Variants in NKAIN3 observed in about 807,000 individuals in gnomAD.
NKAIN3 encodes sodium/potassium-transporting ATPase subunit beta-1-interacting protein 3.
A neutral mutation model predicts 30.2 loss-of-function variants in NKAIN3; 25 were observed. The observed-to-expected ratio is 0.83, with a 90% CI of 0.60 to 1.16. The LOEUF is 1.16. NKAIN3 is among the 50% of genes most tolerant of loss of function. The pLI, the probability that NKAIN3 is intolerant of heterozygous loss-of-function variation, is 0.00. For missense variants in NKAIN3, 225 were observed against 254.1 expected, an observed-to-expected ratio of 0.89 and a Z score of 0.78; for synonymous variants, 91 against 89.6, an observed-to-expected ratio of 1.02 and a Z score of -0.09.
At chr8:62,461,680 A>G (rs1806005492) in intron 1 of NKAIN3, among the ~76,000 whole-genome samples, 1 of 152,238 alleles carries the variant, frequency 6.6e-6, no homozygotes, top group Non-Finnish European at 1.5e-5. Flanking sequence ...AATAACCTAA[A>G]AGAAAAATTC....
intron 4 of NKAIN3, among the ~76,000 whole-genome samples, chr8:62,796,855 A>G (rs922672682): frequency 2.7e-5 from 4 of 150,522 alleles, no homozygotes; most frequent in Admixed American, 6.7e-5. Context: ...CAAAAATTTC[A>G]AGGCACCATT....
chr8:62,421,175 C>A (rs749842467), intron 1 of NKAIN3, among the ~76,000 whole-genome samples: 11 of 152,142 alleles, frequency 7.2e-5, no homozygotes, highest in Non-Finnish European at 1.6e-4. Flanking sequence ...TTCCTCCCAG[C>A]TACTTGGCCC....
chr8:62,339,081 A>C (rs7823670), intron 1 of NKAIN3, among the ~76,000 whole-genome samples: 6,045 of 152,046 alleles, frequency 0.04, 435 homozygotes, highest in African/African-American at 0.14. Flanking sequence ...TAAGAAGGAG[A>C]TGCCTGTGAT....
intron 1 of NKAIN3, among the ~76,000 whole-genome samples, chr8:62,389,888 CTTTG>C (rs1563376753): frequency 6.6e-6 from 1 of 152,046 alleles, no homozygotes; most frequent in Non-Finnish European, 1.5e-5. Flanking sequence ...GTTCTTTGCT[CTTTG>C]TTTGTGTTTG....
chr8:62,716,995 T>C (rs1041606482), intron 3 of NKAIN3, among the ~76,000 whole-genome samples: 2 of 152,186 alleles, frequency 1.3e-5, no homozygotes, highest in African/African-American at 4.8e-5. Flanking sequence ...AAGATGTGCC[T>C]GATATCCTAA....
intron 4 of NKAIN3, among the ~76,000 whole-genome samples, chr8:62,887,127 T>C (rs759304374): frequency 4.1e-4 from 63 of 152,208 alleles, no homozygotes; most frequent in Non-Finnish European, 7.6e-4. Context: ...AATAAACATA[T>C]GTGTGTACTG....
chr8:62,714,650 G>A (rs965325237), intron 3 of NKAIN3, among the ~76,000 whole-genome samples: 1 of 152,098 alleles, frequency 6.6e-6, no homozygotes, highest in Non-Finnish European at 1.5e-5. Flanking sequence ...ATGAATACAA[G>A]CTATGTTTAG....
At chr8:62,903,712 G>C (rs1418853019) in intron 4 of NKAIN3, among the ~76,000 whole-genome samples, 7 of 152,128 alleles carry the variant, frequency 4.6e-5, no homozygotes, top group African/African-American at 1.7e-4. Flanking sequence ...CCCAAGACTG[G>C]GTAATTTATA....
intron 1 of NKAIN3, among the ~76,000 whole-genome samples, chr8:62,306,351 A>C (rs902972531): frequency 6.7e-6 from 1 of 150,342 alleles, no homozygotes; most frequent in African/African-American, 2.5e-5. Flanking sequence ...ATATCTCCCA[A>C]GAATTAAGAA....
chr8:62,946,439 T>C (rs1475242659), intron 5 of NKAIN3, among the ~76,000 whole-genome samples: 1 of 152,172 alleles, frequency 6.6e-6, no homozygotes, highest in Non-Finnish European at 1.5e-5. Flanking sequence ...TCAGTGACAC[T>C]GCAGAGTAGC....
At chr8:62,739,024 C>G (rs1242452711) in intron 3 of NKAIN3, among the ~76,000 whole-genome samples, 1 of 152,092 alleles carries the variant, frequency 6.6e-6, no homozygotes, top group Admixed American at 6.5e-5. Context: ...AACAGAAAAC[C>G]AAACACCACA....
intron 5 of NKAIN3, among the ~76,000 whole-genome samples, chr8:62,997,875 T>C (rs16930070): frequency 0.19 from 29,627 of 151,982 alleles, 3,000 homozygotes; most frequent in East Asian, 0.41. Context: ...AATAAAAACT[T>C]CAACTAAAGA....
intron 1 of NKAIN3, among the ~76,000 whole-genome samples, chr8:62,528,304 A>AT (rs374872132): frequency 1.0e-5 from 1 of 96,010 alleles, no homozygotes. Context: ...TATATATTAT[A>AT]TTATATATAT....
At chr8:62,902,517 T>A (rs1337057201) in intron 4 of NKAIN3, among the ~76,000 whole-genome samples, 1 of 152,120 alleles carries the variant, frequency 6.6e-6, no homozygotes, top group Non-Finnish European at 1.5e-5. Flanking sequence ...AGATAATTTA[T>A]AAGTCCCCAT....
intron 4 of NKAIN3, among the ~76,000 whole-genome samples, chr8:62,843,785 G>A (rs1226557686): frequency 2.0e-5 from 3 of 151,938 alleles, no homozygotes; most frequent in African/African-American, 4.8e-5. Context: ...GCTTTTTCAC[G>A]CATTTTTTTC....
At chr8:62,348,611 G>T (rs1311281661) in intron 1 of NKAIN3, among the ~76,000 whole-genome samples, 1 of 152,092 alleles carries the variant, frequency 6.6e-6, no homozygotes, top group Non-Finnish European at 1.5e-5. Context: ...CTATCTAGCT[G>T]CTATTAGCAG....
chr8:62,983,612 C>T lies in NKAIN3; in HGVS notation c.*18205C>T, dbSNP rs1015189076. 1 of 152,188 alleles carries T rather than the reference C, an allele frequency of 6.6e-6. No individual in the cohort carries two copies. Among genetic ancestry groups the T allele is most frequent in the Non-Finnish European group, 1.5e-5 (1 of 68,046 alleles). 9.4% of individuals were successfully genotyped at this position (152,188 alleles called of 1,614,324 possible). A position where few individuals can be genotyped will look rare whatever the true frequency, so the allele number is the denominator to read the frequency against. ...CTTTCCTTGAATTTGCCCTCTGCAA[C>T]CAACACCTGTTCGTGCTATGAGACT... On this transcript the variant is annotated 3_prime_UTR_variant, in exon 7 of 7. Coordinates refer to ENST00000623646, the MANE Select transcript of NKAIN3 (RefSeq NM_001304533.3).
chr8:62,828,096 T>A (rs369323406), intron 4 of NKAIN3, among the ~76,000 whole-genome samples: 2 of 151,968 alleles, frequency 1.3e-5, no homozygotes, highest in African/African-American at 4.8e-5. Context: ...AAAAAAAATT[T>A]AAAAAAACTA....
intron 3 of NKAIN3, among the ~76,000 whole-genome samples, chr8:62,668,545 A>G (rs1215837828): frequency 2.0e-5 from 3 of 152,186 alleles, no homozygotes; most frequent in Non-Finnish European, 4.4e-5. Context: ...TTGTCTTCCT[A>G]AATGATACGT....
Sources: allele counts gnomAD v4.1 joint callset (sites outside exome capture counted in the v4.1 genomes callset), GRCh38; gene constraint gnomAD v4.1.1; transcripts MANE v1.5; gene names NCBI Gene and HGNC (gene_info 2026-07-23, HGNC 2026-07-21).